The following PPP2R2B variants were observed in gnomAD, a reference collection of about 807,000 sequenced individuals.
PPP2R2B encodes serine/threonine-protein phosphatase 2A 55 kDa regulatory subunit B beta isoform.
A neutral mutation model predicts 46.0 loss-of-function variants in PPP2R2B; 5 were observed. The observed-to-expected ratio is 0.11, with a 90% confidence interval of 0.06 to 0.23. PPP2R2B has a LOEUF of 0.23. PPP2R2B is among the 10% of genes least tolerant of loss of function. PPP2R2B has a pLI of 1.00. For missense variants in PPP2R2B, 367 were observed against 575.0 expected, an observed-to-expected ratio of 0.64 and a Z score of 3.70; for synonymous variants, 215 against 206.7, an observed-to-expected ratio of 1.04 and a Z score of -0.34.
intron 2 of PPP2R2B, among the ~76,000 whole-genome samples, chr5:146,704,921 G>A (rs1256202558): frequency 1.3e-5 from 2 of 152,154 alleles, no homozygotes; most frequent in African/African-American, 4.8e-5. Flanking sequence ...ATCATGCTAG[G>A]CTGGAGTCTA....
intron 2 of PPP2R2B, chr5:146,707,407 T>C (rs910857160): frequency 1.3e-5 from 10 of 780,424 alleles, no homozygotes; most frequent in Non-Finnish European, 2.1e-5. Flanking sequence ...CAGGCTCTGG[T>C]TGACTGGGAC....
intron 2 of PPP2R2B, among the ~76,000 whole-genome samples, chr5:146,835,701 C>A (rs949042988): frequency 6.6e-6 from 1 of 152,190 alleles, no homozygotes; most frequent in African/African-American, 2.4e-5. Flanking sequence ...GCCAGCCCAA[C>A]CATCTCCCAC....
At chr5:147,009,960 C>A (rs1754637457) in intron 1 of PPP2R2B, among the ~76,000 whole-genome samples, 1 of 151,638 alleles carries the variant, frequency 6.6e-6, no homozygotes, top group East Asian at 1.9e-4. Context: ...GCCATTCTAA[C>A]ACAGAGGTGT....
At position 146,701,084 on chromosome 5, in the gene PPP2R2B, G is replaced by T; in HGVS notation, c.129C>A (p.Asp43Glu). The change falls in exon 3 of 10, where the codon GAC becomes GAA. Residue 43 changes from aspartate (D) to glutamate (E), a missense_variant. Physicochemically the swap from Asp to Glu is conservative, Grantham distance 45 (BLOSUM62 2). Transcript: ENST00000394411. ...NHTGELLATG[D>E]KGGRVVIFQR... Reference sequence around the variant, plus strand: ...GAAATATTACAACCCGACCCCCCTTGTCCCCTGTCGCTAGTAATTCTCCCG... The same window carrying T: ...GAAATATTACAACCCGACCCCCCTTTTCCCCTGTCGCTAGTAATTCTCCCG... 1 of 1,613,902 alleles carries T rather than the reference G, an allele frequency of 6.2e-7. No individual in the cohort carries two copies. Among genetic ancestry groups the T allele is most frequent in the Non-Finnish European group, 8.5e-7 (1 of 1,179,842 alleles).
chr5:146,994,021 A>G (rs1051445702), intron 1 of PPP2R2B, among the ~76,000 whole-genome samples: 1 of 152,136 alleles, frequency 6.6e-6, no homozygotes, highest in Non-Finnish European at 1.5e-5. Context: ...TCACTTCAGG[A>G]ATAGCTAAGC....
chr5:146,803,455 G>A (rs895870203), intron 2 of PPP2R2B, among the ~76,000 whole-genome samples: 3 of 152,104 alleles, frequency 2.0e-5, no homozygotes, highest in Non-Finnish European at 4.4e-5. Flanking sequence ...GAACTGTTAT[G>A]AGAATCTAAC....
intron 1 of PPP2R2B, among the ~76,000 whole-genome samples, chr5:147,011,315 C>T (rs980062346): frequency 6.6e-6 from 1 of 152,096 alleles, no homozygotes; most frequent in Non-Finnish European, 1.5e-5. Context: ...CCCATCCCTA[C>T]ATAGGAGCTT....
chr5:147,043,119 C>T (rs1561595520), intron 1 of PPP2R2B, among the ~76,000 whole-genome samples: 2 of 152,030 alleles, frequency 1.3e-5, no homozygotes. Context: ...AGTCTTTTGT[C>T]CTTATTTATG....
chr5:146,839,655 C>A (rs773372794), intron 2 of PPP2R2B, among the ~76,000 whole-genome samples: 1 of 152,214 alleles, frequency 6.6e-6, no homozygotes, highest in African/African-American at 2.4e-5. Context: ...AAGAAATGGA[C>A]TTGCTAAATC....
rs995055681 is a variant in PPP2R2B, at chr5:146,872,570, G to A, written c.70+5432C>T. 3.3e-5 allele frequency among the ~76,000 whole-genome samples: 5 copies of A among 151,780 alleles called. No individual in the cohort carries two copies. The East Asian group carries it at 9.7e-4, about 29-fold the overall frequency. On this transcript the variant is annotated intron_variant, in intron 2 of 9. Coordinates refer to ENST00000394411, the MANE Select transcript of PPP2R2B (RefSeq NM_181675.4). ...ATTCATTATAAGTTTCCCCTTTCTT[G>A]AGCTTATTTGGAATGGGGGATGGAG... is the stretch of plus-strand genomic sequence containing the variant.
chr5:146,878,171 A>C lies in PPP2R2B; in HGVS notation c.-100T>G, dbSNP rs547707932. 9 of 1,601,206 alleles carry C rather than the reference A, an allele frequency of 5.6e-6. No individual in the cohort carries two copies. The African/African-American group carries it at 8.0e-5, about 14-fold the overall frequency. On this transcript the variant is annotated 5_prime_UTR_variant, in exon 2 of 10. Coordinates refer to ENST00000394411, the MANE Select transcript of PPP2R2B (RefSeq NM_181675.4). This position sits in a 1 kb window ranked among gnomAD's most constrained non-coding sequence, Gnocchi z 4.5. ...CACAGGAGAGGGGGGCAGGGGAGCC[A>C]GTGGGACTGCACCATGGTCCGAGCC...
intron 2 of PPP2R2B, among the ~76,000 whole-genome samples, chr5:146,772,508 G>C (rs1754931888): frequency 6.6e-6 from 1 of 151,246 alleles, no homozygotes; most frequent in Admixed American, 6.6e-5. Context: ...CTAGAGAGGG[G>C]AGTGGGGTCA....
intron 2 of PPP2R2B, among the ~76,000 whole-genome samples, chr5:146,718,323 G>A (rs912730583): frequency 2.0e-5 from 3 of 151,980 alleles, no homozygotes; most frequent in African/African-American, 4.8e-5. Flanking sequence ...AGGAGGTTGA[G>A]GCTGCAGTGA....
chr5:146,781,131 GATAT>G (rs56697862), intron 2 of PPP2R2B, among the ~76,000 whole-genome samples: 1,768 of 49,156 alleles, frequency 0.036, 29 homozygotes, highest in Non-Finnish European at 0.046. Context: ...ATGCCACCAT[GATAT>G]ATATATATAT....
intron 2 of PPP2R2B, among the ~76,000 whole-genome samples, chr5:146,798,493 C>A (rs1268657195): frequency 2.0e-5 from 3 of 152,142 alleles, no homozygotes; most frequent in Non-Finnish European, 4.4e-5. Context: ...CAGCACTCAC[C>A]AGCATACTGA....
chr5:147,059,040 C>T (rs114238462), upstream of PPP2R2B, among the ~76,000 whole-genome samples: 305 of 152,208 alleles, frequency 2.0e-3, 2 homozygotes, highest in African/African-American at 5.7e-3. Context: ...GTTTGGGTAA[C>T]GGAAAGTTTT....
chr5:146,983,319 T>C (rs974328421), intron 1 of PPP2R2B, among the ~76,000 whole-genome samples: 2 of 151,688 alleles, frequency 1.3e-5, no homozygotes, highest in Admixed American at 1.3e-4. Context: ...TAGCTGGGAC[T>C]ACAGGCGTCC....
intron 8 of PPP2R2B, among the ~76,000 whole-genome samples, chr5:146,596,102 G>A (rs1771143688): frequency 6.6e-6 from 1 of 152,202 alleles, no homozygotes; most frequent in South Asian, 2.1e-4. Context: ...CATTGTGCAT[G>A]GAAGCAGCCA....
chr5:146,906,891 T>C (rs533004485), intron 1 of PPP2R2B, among the ~76,000 whole-genome samples: 1 of 152,350 alleles, frequency 6.6e-6, no homozygotes, highest in Non-Finnish European at 1.5e-5. Context: ...GAAATGTCAA[T>C]TGCACTTTAT....
Sources: allele counts gnomAD v4.1 joint callset (sites outside exome capture counted in the v4.1 genomes callset), GRCh38; gene constraint gnomAD v4.1.1; non-coding constraint Gnocchi (gnomAD v3.1); transcripts MANE v1.5; gene names NCBI Gene and HGNC (gene_info 2026-07-23, HGNC 2026-07-21).